Variants in SGMS1 observed in about 807,000 individuals in gnomAD.
SGMS1 encodes the protein phosphatidylcholine:ceramide cholinephosphotransferase 1.
A neutral mutation model predicts 46.2 loss-of-function variants in SGMS1; 13 were observed. The observed-to-expected ratio is 0.28, with a 90% confidence interval of 0.18 to 0.45. The LOEUF is 0.45. SGMS1 is among the 20% of genes least tolerant of loss of function. SGMS1 has a pLI of 1.00. For missense variants in SGMS1, 324 were observed against 519.9 expected (o/e 0.62, Z 3.66); for synonymous variants, 203 against 187.8 (o/e 1.08, Z -0.66).
rs1018077316 is a variant in SGMS1 at position 50,495,076 on chromosome 10, A to C, written c.-498+24755T>G. Among the ~76,000 whole-genome samples the C allele has an allele frequency of 2.3e-4, 34 of 147,292 alleles. 4 individuals carry two copies. The highest frequency in any genetic ancestry group is 8.7e-4 in the South Asian group (4 of 4,624). On this transcript the variant is annotated intron_variant, in intron 3 of 10. Coordinates refer to ENST00000361781, the MANE Select transcript of SGMS1 (RefSeq NM_147156.4). ...ATAAAAAAAAATACAAAAAATACAA[A>C]AAAAAAAAAAAATTAGCCGGACGTG...
At chr10:50,396,919 G>A (rs1483078803) in intron 6 of SGMS1, among the ~76,000 whole-genome samples, 1 of 152,112 alleles carries the variant, frequency 6.6e-6, no homozygotes, top group Non-Finnish European at 1.5e-5. Flanking sequence ...TGGTGAACCG[G>A]CGGTGTTACT....
intron 6 of SGMS1, among the ~76,000 whole-genome samples, chr10:50,370,881 A>G (rs927911350): frequency 6.6e-6 from 1 of 152,122 alleles, no homozygotes; most frequent in Non-Finnish European, 1.5e-5. Context: ...TGAAGCTGTC[A>G]TCTCCTGTGA....
In SGMS1 at chr10:50,344,075, C is replaced by G; in HGVS notation, c.40G>C (p.Asp14His). The G allele has an allele frequency of 6.2e-7, 1 of 1,613,806 alleles. No individual in the cohort carries two copies. Among genetic ancestry groups the G allele is most frequent in the Non-Finnish European group, 8.5e-7 (1 of 1,179,860 alleles). ...GGCATAGCATTCTCCAGCAGCCAGT[C>G]TGCCACCTTCTTGGGTGACCAATAA... ...VVYWSPKKVA[D>H]WLLENAMPEY... The change falls in exon 7 of 11, where the codon GAC (aspartate) becomes CAC (histidine). Residue 14 changes from aspartate to histidine, a missense_variant. Coordinates refer to ENST00000361781, the MANE Select transcript of SGMS1 (RefSeq NM_147156.4).
intron 6 of SGMS1, among the ~76,000 whole-genome samples, chr10:50,386,357 G>A (rs1372123500): frequency 6.6e-6 from 1 of 152,076 alleles, no homozygotes; most frequent in African/African-American, 2.4e-5. Flanking sequence ...TAGCTTAGAC[G>A]GTAATTTACA....
intron 3 of SGMS1, among the ~76,000 whole-genome samples, chr10:50,502,186 T>C (rs1837667000): frequency 6.6e-6 from 1 of 151,820 alleles, no homozygotes. Flanking sequence ...TAGCTATCTG[T>C]AGCTATAACT....
At chr10:50,387,773 C>T (rs977435207) in intron 6 of SGMS1, among the ~76,000 whole-genome samples, 9 of 152,154 alleles carry the variant, frequency 5.9e-5, no homozygotes, top group East Asian at 1.9e-4. Flanking sequence ...TCCCAAGCCA[C>T]GGTAGGCTCA....
intron 6 of SGMS1, among the ~76,000 whole-genome samples, chr10:50,413,035 T>C (rs981981035): frequency 5.3e-5 from 8 of 152,168 alleles, no homozygotes; most frequent in African/African-American, 1.9e-4. Flanking sequence ...TCCTTATATA[T>C]CCTCCTTCCA....
At chr10:50,501,498 T>C (rs1837661370) in intron 3 of SGMS1, among the ~76,000 whole-genome samples, 3 of 152,200 alleles carry the variant, frequency 2.0e-5, no homozygotes, top group Admixed American at 6.6e-5. Context: ...CTGAGTTCAT[T>C]AAGGAAATTA....
At chr10:50,536,585 T>G (rs1838004388) in intron 2 of SGMS1, among the ~76,000 whole-genome samples, 1 of 152,186 alleles carries the variant, frequency 6.6e-6, no homozygotes, top group Admixed American at 6.5e-5. Context: ...GCACTAAAGC[T>G]CTAAGAGGAA....
intron 2 of SGMS1, among the ~76,000 whole-genome samples, chr10:50,544,970 T>C (rs1037847955): frequency 6.6e-6 from 1 of 152,198 alleles, no homozygotes; most frequent in Non-Finnish European, 1.5e-5. Flanking sequence ...ATAGCTTCTT[T>C]ATGAAGGAGC....
At chr10:50,311,484 A>C in intron 8 of SGMS1, 69 bp from the exon 9 acceptor site, 1 of 1,459,450 alleles carries the variant, frequency 6.9e-7, no homozygotes, top group East Asian at 2.5e-5. Flanking sequence ...TGCGAAGATT[A>C]CTATTCATAT....
chr10:50,408,766 G>A (rs1564905139), intron 6 of SGMS1, among the ~76,000 whole-genome samples: 1 of 152,106 alleles, frequency 6.6e-6, no homozygotes, highest in Non-Finnish European at 1.5e-5. Flanking sequence ...TATTGGGTCG[G>A]GGGGGCAGTT....
chr10:50,451,416 C>A (rs559526922), intron 5 of SGMS1, among the ~76,000 whole-genome samples: 7 of 152,188 alleles, frequency 4.6e-5, no homozygotes, highest in African/African-American at 1.7e-4. Context: ...CTACTCTGAT[C>A]ATTAAAACTT....
At chr10:50,465,696 G>T (rs1302016355) in intron 4 of SGMS1, among the ~76,000 whole-genome samples, 1 of 151,824 alleles carries the variant, frequency 6.6e-6, no homozygotes, top group Non-Finnish European at 1.5e-5. Flanking sequence ...AAGAGAGAAT[G>T]GGGGGGAAAT....
At chr10:50,431,381 C>A (rs1849402777) in intron 6 of SGMS1, among the ~76,000 whole-genome samples, 2 of 152,132 alleles carry the variant, frequency 1.3e-5, no homozygotes, top group Non-Finnish European at 2.9e-5. Context: ...TTTGAAATAT[C>A]CAAGGCATTT....
chr10:50,587,853 T>A (rs1187616131), intron 2 of SGMS1, among the ~76,000 whole-genome samples: 1 of 152,174 alleles, frequency 6.6e-6, no homozygotes, highest in Non-Finnish European at 1.5e-5. Context: ...TCATGCTCTG[T>A]TTCTTAATCT....
chr10:50,621,347 T>G (rs976297732), intron 1 of SGMS1, among the ~76,000 whole-genome samples: 5 of 152,212 alleles, frequency 3.3e-5, no homozygotes, highest in African/African-American at 1.2e-4. Context: ...AATCAAGTTT[T>G]CAAGCTAAAA....
chr10:50,624,874 G>A (rs952560739), upstream of SGMS1: 5 of 999,160 alleles, frequency 5.0e-6, no homozygotes, highest in African/African-American at 1.7e-5. Flanking sequence ...GCGGGGTCGG[G>A]GACTTGGCGA....
At chr10:50,402,449 T>C (rs1848955460) in intron 6 of SGMS1, among the ~76,000 whole-genome samples, 1 of 152,336 alleles carries the variant, frequency 6.6e-6, no homozygotes, top group East Asian at 1.9e-4. Context: ...GCCACGATCC[T>C]ACTGGAAATT....
Sources: allele counts gnomAD v4.1 joint callset (sites outside exome capture counted in the v4.1 genomes callset), GRCh38; gene constraint gnomAD v4.1.1; transcripts MANE v1.5; gene names NCBI Gene and HGNC (gene_info 2026-07-23, HGNC 2026-07-21).